OSMR: variants seen among roughly 807,000 people sequenced by gnomAD.
OSMR encodes oncostatin-M-specific receptor subunit beta.
OSMR carries 81 observed loss-of-function variants against 99.9 expected under a neutral mutation model. That is an observed-to-expected ratio of 0.81 (90% CI 0.68 to 0.97). The LOEUF is 0.97. Among genes scored for constraint, OSMR ranks in the 50% least tolerant of loss-of-function variants. The probability of loss-of-function intolerance (pLI) is 0.00; values close to 1 mark genes in which losing one functional copy is unlikely to be tolerated. For missense variants in OSMR, 1,099 were observed against 1,153.4 expected (o/e 0.95, Z 0.68); for synonymous variants, 406 against 410.4 (o/e 0.99, Z 0.13).
rs992049697 is a variant in OSMR, at chr5:38,878,992, C to A, written c.247-2601C>A. Among the ~76,000 whole-genome samples, 9 of 152,296 alleles carry A rather than the reference C, an allele frequency of 5.9e-5. No individual in the cohort carries two copies. In the South Asian group the frequency reaches 1.9e-3, roughly 32 times the overall value. On this transcript the variant is annotated intron_variant, in intron 3 of 17. Transcript: ENST00000274276. ...GCAGTGTGGGAATGTCAGCGCTGAG[C>A]ACACTGGAAAGAATGAGGAGGTGAA...
intron 1 of OSMR, among the ~76,000 whole-genome samples, chr5:38,847,295 C>G (rs1009393478): frequency 1.3e-5 from 2 of 152,178 alleles, no homozygotes; most frequent in African/African-American, 4.8e-5. Flanking sequence ...TGAACCAGCC[C>G]CTATTCTAAG....
At chr5:38,899,091 C>T (rs1744720538) in intron 7 of OSMR, among the ~76,000 whole-genome samples, 1 of 151,602 alleles carries the variant, frequency 6.6e-6, no homozygotes, top group Admixed American at 6.6e-5. Context: ...TCCCAAGTAG[C>T]AGGAATTGCA....
intron 7 of OSMR, among the ~76,000 whole-genome samples, chr5:38,895,412 T>C (rs916703061): frequency 6.6e-6 from 1 of 152,144 alleles, no homozygotes; most frequent in African/African-American, 2.4e-5. Context: ...CTTTTTCATA[T>C]GCCTGTTTGC....
At chr5:38,881,460 G>A in intron 3 of OSMR, 133 bp from the exon 4 acceptor site, 1 of 1,569,030 alleles carries the variant, frequency 6.4e-7, no homozygotes. Flanking sequence ...TTGACTAGCA[G>A]AAGTGGAATT....
chr5:38,864,325 T>C (rs1038429149), intron 1 of OSMR, among the ~76,000 whole-genome samples: 1 of 152,190 alleles, frequency 6.6e-6, no homozygotes, highest in Non-Finnish European at 1.5e-5. Context: ...TCTTTCTCAT[T>C]TGTGTGTCTG....
rs770543540 is a variant in OSMR at position 38,886,113 on chromosome 5, C to T, written c.914C>T (p.Thr305Ile). The T allele has an allele frequency of 1.1e-5, 17 of 1,613,878 alleles. No individual in the cohort carries two copies. Among genetic ancestry groups the T allele is most frequent in the Non-Finnish European group, 1.4e-5 (17 of 1,179,900 alleles). ...CAAATAACTCAAGACTCACAAGAAA[C>T]CTATAACTTCACACTCATAGCTGAA... ...NWQITQDSQE[T>I]YNFTLIAENY... The change falls in exon 7 of 18, where the codon ACC becomes ATC. Residue 305 changes from threonine to isoleucine, a missense_variant. Thr to Ile is a moderately conservative substitution (Grantham distance 89, BLOSUM62 -1). Coordinates refer to ENST00000274276, the MANE Select transcript of OSMR (RefSeq NM_003999.3).
rs58159819 is a variant in OSMR, at chr5:38,898,950, CTTTTTT to C, written c.992-4913_992-4908del. Among the ~76,000 whole-genome samples, 2,172 of 78,300 alleles carry C rather than the reference CTTTTTT, an allele frequency of 0.028. 103 individuals are homozygous for C. The East Asian group carries it at 0.36, about 13-fold the overall frequency. The allele number at this position is 78,300 out of a possible 152,430, so 51.4% of individuals were successfully genotyped here. On this transcript the variant is annotated intron_variant, in intron 7 of 17. Coordinates refer to ENST00000274276, the MANE Select transcript of OSMR (RefSeq NM_003999.3). The stretch of plus-strand genomic sequence containing the variant: ...TTTGTTGTTTCTATTTACATAATAT[CTTTTTT>C]TTTTTTTTTTTTTTTTTTGAGACAG...
At chr5:38,899,284 C>A (rs1579738894) in intron 7 of OSMR, among the ~76,000 whole-genome samples, 2 of 152,224 alleles carry the variant, frequency 1.3e-5, no homozygotes, top group East Asian at 1.9e-4. Context: ...CTTTAGTCAG[C>A]TTGTGGTGAA....
intron 1 of OSMR, among the ~76,000 whole-genome samples, chr5:38,862,535 C>T (rs1277331662): frequency 5.3e-5 from 8 of 150,658 alleles, no homozygotes; most frequent in Non-Finnish European, 8.9e-5. Flanking sequence ...GGGCAGTTGC[C>T]GGGCAGAGGG....
In OSMR at chr5:38,933,107, C is replaced by G; in HGVS notation, c.2603C>G (p.Ser868Cys). The change falls in exon 18 of 18, where the codon TCT (serine) becomes TGT (cysteine). Residue 868 changes from serine (S) to cysteine (C), a missense_variant. By Grantham distance (112) the Ser-to-Cys change is moderately radical. Transcript: ENST00000274276. ...ACCTATAACCAGGCAGCTTCTGACTCTGGCTCTTGTGGCCATGTTCCAGTA... is the reference window on the plus strand; with the variant it reads ...ACCTATAACCAGGCAGCTTCTGACTGTGGCTCTTGTGGCCATGTTCCAGTA... ...NLTYNQAASD[S>C]GSCGHVPVSP... 1 of 1,614,236 alleles carries G rather than the reference C, an allele frequency of 6.2e-7. No homozygotes were observed. Among genetic ancestry groups the G allele is most frequent in the Non-Finnish European group, 8.5e-7 (1 of 1,180,038 alleles).
At chr5:38,878,016 A>G (rs1373052389) in intron 3 of OSMR, among the ~76,000 whole-genome samples, 3 of 152,202 alleles carry the variant, frequency 2.0e-5, no homozygotes, top group Non-Finnish European at 2.9e-5. Flanking sequence ...ACAACACCCA[A>G]CCCAGCCTGA....
At chr5:38,885,604 C>A in intron 6 of OSMR, 120 bp downstream of exon 6, 1 of 1,324,186 alleles carries the variant, frequency 7.6e-7, no homozygotes, top group Non-Finnish European at 1.1e-6. Context: ...TCAGAACCAC[C>A]TGCCAAGGTC....
intron 7 of OSMR, among the ~76,000 whole-genome samples, chr5:38,891,882 C>G (rs1191092137): frequency 1.3e-5 from 2 of 152,162 alleles, no homozygotes; most frequent in African/African-American, 4.8e-5. Context: ...TGCCTGAACA[C>G]TATGGCCAGT....
At position 38,866,620 on chromosome 5, in the gene OSMR, C is replaced by T. The variant is rs545299324; in HGVS notation, c.-13-2412C>T. On this transcript the variant is annotated intron_variant, in intron 1 of 17. Coordinates refer to ENST00000274276, the MANE Select transcript of OSMR (RefSeq NM_003999.3). ...CTCTGAATGGATATTGGGTGATGTC[C>T]GCAGGGCTGCAGGAATGTGGAGAGC... Among the ~76,000 whole-genome samples the T allele has an allele frequency of 1.3e-4, 20 of 152,078 alleles. 1 individual carries two copies. The South Asian group carries it at 3.5e-3, about 27-fold the overall frequency.
intron 1 of OSMR, among the ~76,000 whole-genome samples, chr5:38,867,840 GTATT>G (rs1742064018): frequency 6.6e-6 from 1 of 150,430 alleles, no homozygotes; most frequent in Non-Finnish European, 1.5e-5. Flanking sequence ...TGAGACTATT[GTATT>G]TGGAGATAGG....
intron 1 of OSMR, among the ~76,000 whole-genome samples, chr5:38,854,037 A>G (rs1410740248): frequency 6.6e-6 from 1 of 151,150 alleles, no homozygotes; most frequent in Non-Finnish European, 1.5e-5. Flanking sequence ...AACTGGCAGT[A>G]CTCTTAAAAA....
At chr5:38,924,936 C>T in intron 14 of OSMR, 1 of 197,398 alleles carries the variant, frequency 5.1e-6, no homozygotes, top group Non-Finnish European at 9.1e-6. Flanking sequence ...CTTGCAAGCT[C>T]TTACTGTTTC....
At position 38,934,512 on chromosome 5, in the gene OSMR, A is replaced by C. The variant is rs1746926875; in HGVS notation, c.*1068A>C. ...CAATATATCCCAAACCAATATATGC[A>C]AAGCACCTGGTACACAACTGGTATT... On this transcript the variant is annotated 3_prime_UTR_variant, in exon 18 of 18. Coordinates refer to ENST00000274276, the MANE Select transcript of OSMR (RefSeq NM_003999.3). 6.6e-6 allele frequency: 1 copy of C among 152,136 alleles called. No individual in the cohort carries two copies. 9.4% of individuals were successfully genotyped at this position (152,136 alleles called of 1,614,324 possible).
intron 1 of OSMR, among the ~76,000 whole-genome samples, chr5:38,865,650 G>A (rs570026657): frequency 4.6e-5 from 7 of 152,206 alleles, no homozygotes; most frequent in East Asian, 1.9e-4. Flanking sequence ...CAGGCCTACT[G>A]TGTCAGTCCT....
Sources: allele counts gnomAD v4.1 joint callset (sites outside exome capture counted in the v4.1 genomes callset), GRCh38; gene constraint gnomAD v4.1.1; transcripts MANE v1.5; gene names NCBI Gene and HGNC (gene_info 2026-07-23, HGNC 2026-07-21).